INTS15: variants seen among roughly 807,000 people sequenced by gnomAD.
INTS15 encodes the protein integrator complex subunit 15.
At chr7:6,601,376 A>C in the INTS15 span, among the ~76,000 whole-genome samples, 2 of 151,046 alleles carry the variant, frequency 1.3e-5, no homozygotes, top group Non-Finnish European at 2.9e-5. Flanking sequence ...GCTCATTGCA[A>C]CCTCTGCCTC....
At chr7:6,608,505 G>A in the INTS15 span, 2 of 1,182,902 alleles carry the variant, frequency 1.7e-6, no homozygotes, top group Admixed American at 9.0e-5. Flanking sequence ...CGTGTGTCTG[G>A]CCTCTTTCCT....
At chr7:6,608,248 G>A in the INTS15 span, 10 of 1,508,230 alleles carry the variant, frequency 6.6e-6, no homozygotes, top group Non-Finnish European at 8.8e-6. Flanking sequence ...GAGAACCTCG[G>A]GGAAGGGGTC....
At chr7:6,599,083 A>G in the INTS15 span, among the ~76,000 whole-genome samples, 1 of 152,088 alleles carries the variant, frequency 6.6e-6, no homozygotes, top group South Asian at 2.1e-4. Flanking sequence ...CCTGGGCCAT[A>G]TACTTTCGAC....
chr7:6,605,791 C>A, the INTS15 span, among the ~76,000 whole-genome samples: 1 of 151,266 alleles, frequency 6.6e-6, no homozygotes, highest in Admixed American at 6.6e-5. Flanking sequence ...CTCTGCCTCC[C>A]GGGTTCAAGC....
the INTS15 span, chr7:6,600,330 C>G: frequency 4.3e-6 from 7 of 1,613,286 alleles, no homozygotes; most frequent in Non-Finnish European, 5.9e-6. Context: ...GTGGCCATGG[C>G]CTCAGGAGCT....
chr7:6,591,055 T>C, the INTS15 span, among the ~76,000 whole-genome samples: 1 of 151,610 alleles, frequency 6.6e-6, no homozygotes, highest in East Asian at 1.9e-4. Context: ...CCCAGGCTGG[T>C]CTCAAACTCC....
the INTS15 span, chr7:6,608,081 G>GGGCCCCCCCCCCC: frequency 1.2e-6 from 1 of 816,236 alleles, no homozygotes; most frequent in Non-Finnish European, 1.7e-6. Flanking sequence ...GGCCCACCCC[G>GGGCCCCCCCCCCC]CCGCCCACCC....
the INTS15 span, chr7:6,608,123 A>C: frequency 1.3e-6 from 2 of 1,531,098 alleles, no homozygotes; most frequent in Non-Finnish European, 1.7e-6. Context: ...CCACACCTTC[A>C]TCTCCGGCGT....
At chr7:6,590,105 G>C in the INTS15 span, 20 of 415,914 alleles carry the variant, frequency 4.8e-5, no homozygotes, top group Non-Finnish European at 7.8e-5. Flanking sequence ...CCTGCTGGCC[G>C]GCGGCAGCAG....
chr7:6,596,712 C>T, the INTS15 span, among the ~76,000 whole-genome samples: 1 of 151,714 alleles, frequency 6.6e-6, no homozygotes, highest in Admixed American at 6.6e-5. Context: ...TTGTAACTCT[C>T]TTGAGAAAGT....
At chr7:6,590,043 C>T in the INTS15 span, 8 of 234,984 alleles carry the variant, frequency 3.4e-5, no homozygotes, top group Non-Finnish European at 6.5e-5. Flanking sequence ...TTCGGCTGCG[C>T]GGCGGCAGCT....
At chr7:6,592,383 A>G in the INTS15 span, among the ~76,000 whole-genome samples, 1 of 151,906 alleles carries the variant, frequency 6.6e-6, no homozygotes, top group South Asian at 2.1e-4. Flanking sequence ...CCTGGCCAAC[A>G]TGGTGAAACC....
At chr7:6,593,559 C>T in the INTS15 span, among the ~76,000 whole-genome samples, 1 of 151,630 alleles carries the variant, frequency 6.6e-6, no homozygotes, top group Non-Finnish European at 1.5e-5. Context: ...TGGTCTCGAT[C>T]TCCTGACCTT....
chr7:6,600,054 A>G, the INTS15 span: 1 of 1,614,230 alleles, frequency 6.2e-7, no homozygotes. Context: ...CATGTCAGCA[A>G]CAAGGTCACA....
chr7:6,603,110 C>G, the INTS15 span, among the ~76,000 whole-genome samples: 3 of 150,532 alleles, frequency 2.0e-5, no homozygotes, highest in Non-Finnish European at 4.4e-5. Context: ...ATTAGCCGGG[C>G]GTGGTGGTGC....
chr7:6,592,599 GT>G, the INTS15 span, among the ~76,000 whole-genome samples: 71 of 149,452 alleles, frequency 4.8e-4, no homozygotes, highest in African/African-American at 1.7e-3. Flanking sequence ...ATTAGGGTGT[GT>G]TTTTTTTTCT....
the INTS15 span, among the ~76,000 whole-genome samples, chr7:6,598,598 G>GC: frequency 6.6e-6 from 1 of 152,092 alleles, no homozygotes; most frequent in Non-Finnish European, 1.5e-5. Flanking sequence ...GGTGGGCACA[G>GC]CCCCAGAGAG....
the INTS15 span, chr7:6,594,313 C>A: frequency 1.0e-6 from 1 of 993,486 alleles, no homozygotes; most frequent in Non-Finnish European, 1.5e-6. Context: ...GCCCCATTAA[C>A]ATCTTTTTTT....
At chr7:6,598,626 C>T in the INTS15 span, among the ~76,000 whole-genome samples, 1 of 152,080 alleles carries the variant, frequency 6.6e-6, no homozygotes. Flanking sequence ...TGAGGACGCC[C>T]TCCTGTGCAC....
Sources: gnomAD v4.1 joint callset for allele counts (sites outside exome capture counted in the v4.1 genomes callset) on GRCh38, gnomAD v4.1.1 for gene constraint, MANE v1.5 for transcripts, NCBI Gene and HGNC (gene_info 2026-07-23, HGNC 2026-07-21) for gene names.